Variants in BASP1 observed in about 807,000 individuals in gnomAD.
The protein encoded by BASP1 is brain abundant membrane attached signal protein 1.
BASP1 carries 1 observed loss-of-function variant against 2.2 expected under a neutral mutation model. That is an observed-to-expected ratio of 0.46 (90% confidence interval 0.16 to 2.17). The LOEUF (loss-of-function observed/expected upper bound fraction) is 2.17. Ranked by LOEUF, BASP1 falls within the 30% of genes most tolerant of loss-of-function variation. The pLI is 0.27. For synonymous variants in BASP1, 187 were observed against 154.2 expected, an observed-to-expected ratio of 1.21 and a Z score of -1.58; for missense variants, 352 against 327.2, an observed-to-expected ratio of 1.08 and a Z score of -0.58.
intron 1 of BASP1, among the ~76,000 whole-genome samples, chr5:17,219,244 G>C (rs1399567629): frequency 6.6e-6 from 1 of 152,084 alleles, no homozygotes; most frequent in Admixed American, 6.5e-5. Flanking sequence ...TGGAGGGCCC[G>C]GCAGCCCCAT....
At chr5:17,263,468 ATAAAAT>A (rs1221466536) in intron 1 of BASP1, among the ~76,000 whole-genome samples, 1 of 152,192 alleles carries the variant, frequency 6.6e-6, no homozygotes, top group Non-Finnish European at 1.5e-5. Context: ...ATGTGGTAAG[ATAAAAT>A]TAAGGTAATG....
rs1740634531 is a variant in BASP1 at position 17,275,708 on chromosome 5, T to C, written c.492T>C (p.Ser164=). The C allele has an allele frequency of 1.9e-6, 3 of 1,605,260 alleles. No homozygotes were observed. Among genetic ancestry groups the C allele is most frequent in the Non-Finnish European group, 2.6e-6 (3 of 1,176,372 alleles). Reference sequence around the variant, plus strand: ...CTCCTGCCGCCCAGGAGACCAAAAGTGACGGGGCCCCAGCTTCAGACTCAA... The same window carrying C: ...CTCCTGCCGCCCAGGAGACCAAAAGCGACGGGGCCCCAGCTTCAGACTCAA... ...PAAPAAQETK[S]DGAPASDSKP... The change falls in exon 2 of 2, where the codon AGT becomes AGC. Residue 164 remains serine (S), a synonymous_variant. Coordinates refer to ENST00000322611, the MANE Select transcript of BASP1 (RefSeq NM_006317.5). The surrounding 1 kb of genome is among the most constrained non-coding windows in gnomAD (Gnocchi z 5.3).
chr5:17,268,363 T>C (rs1042894812), intron 1 of BASP1, among the ~76,000 whole-genome samples: 2 of 152,232 alleles, frequency 1.3e-5, no homozygotes, highest in South Asian at 4.1e-4. Context: ...TGAATTTTAA[T>C]ACAGTAGGCT....
At chr5:17,240,982 C>A (rs948744812) in intron 1 of BASP1, among the ~76,000 whole-genome samples, 8 of 152,090 alleles carry the variant, frequency 5.3e-5, no homozygotes, top group African/African-American at 1.9e-4. Context: ...TTAATAGTTT[C>A]TTTTAATTAT....
At chr5:17,253,263 T>G (rs1169349601) in intron 1 of BASP1, among the ~76,000 whole-genome samples, 1 of 152,204 alleles carries the variant, frequency 6.6e-6, no homozygotes, top group Admixed American at 6.5e-5. Flanking sequence ...CAGGCTGGAG[T>G]GCAGTGGCGT....
intron 1 of BASP1, among the ~76,000 whole-genome samples, chr5:17,265,685 C>T (rs1446668691): frequency 6.6e-6 from 1 of 152,192 alleles, no homozygotes; most frequent in East Asian, 1.9e-4. Context: ...TATATCCAAA[C>T]AACCTGTTTA....
At chr5:17,262,752 A>G (rs1414446541) in intron 1 of BASP1, among the ~76,000 whole-genome samples, 1 of 151,788 alleles carries the variant, frequency 6.6e-6, no homozygotes, top group Non-Finnish European at 1.5e-5. Flanking sequence ...AATTGTCTTC[A>G]TATGTCTTCT....
chr5:17,232,181 A>AATACATT, intron 1 of BASP1, among the ~76,000 whole-genome samples: 1 of 152,212 alleles, frequency 6.6e-6, no homozygotes, highest in Non-Finnish European at 1.5e-5. Context: ...TATTTGAGGG[A>AATACATT]GACAAATAGT....
rs187374993 is a variant in BASP1, at chr5:17,235,368, C to T, written c.-10+17558C>T. On this transcript the variant is annotated intron_variant, in intron 1 of 1. Transcript: ENST00000322611. The stretch of plus-strand genomic sequence containing the variant: ...CTTCATCTCCCAGGTTCACGCCATT[C>T]TCCTGCCTCAGCCTCCCGAGTAGCT... 1.2e-4 allele frequency among the ~76,000 whole-genome samples: 18 copies of T among 151,686 alleles called. No individual in the cohort carries two copies. In the East Asian group the frequency reaches 3.1e-3, roughly 26 times the overall value.
At chr5:17,225,689 C>T (rs772472053) in intron 1 of BASP1, among the ~76,000 whole-genome samples, 3 of 152,162 alleles carry the variant, frequency 2.0e-5, no homozygotes, top group African/African-American at 4.8e-5. Context: ...TCCCACCCAC[C>T]CCTGAAATGC....
At chr5:17,234,376 G>A (rs377295704) in intron 1 of BASP1, among the ~76,000 whole-genome samples, 6 of 151,714 alleles carry the variant, frequency 4.0e-5, no homozygotes, top group Admixed American at 3.3e-4. Flanking sequence ...ATTTGAAGCC[G>A]TAAGTAAAAA....
chr5:17,242,297 C>G (rs776370586), intron 1 of BASP1, among the ~76,000 whole-genome samples: 1 of 151,878 alleles, frequency 6.6e-6, no homozygotes, highest in African/African-American at 2.4e-5. Flanking sequence ...TGAGAATGGT[C>G]CTGTGGTTTT....
Position 17,217,742 on chromosome 5 carries a change from C to G in BASP1, c.-78C>G, listed in dbSNP as rs1561161221. 6.5e-6 allele frequency: 1 copy of G among 153,254 alleles called. No individual in the cohort carries two copies. Among genetic ancestry groups the G allele is most frequent in the African/African-American group, 2.4e-5 (1 of 41,426 alleles). The allele number at this position is 153,254 out of a possible 1,614,324, so 9.5% of individuals were successfully genotyped here. ...CGCCAGCGGCCAGGCACCAGCCAGA[C>G]GACGCCAGCGACCCCGGCCTCTCGG... On this transcript the variant is annotated 5_prime_UTR_variant, in exon 1 of 2. Coordinates refer to ENST00000322611, the MANE Select transcript of BASP1 (RefSeq NM_006317.5).
At chr5:17,226,504 A>G (rs1349844452) in intron 1 of BASP1, among the ~76,000 whole-genome samples, 1 of 152,248 alleles carries the variant, frequency 6.6e-6, no homozygotes, top group African/African-American at 2.4e-5. Flanking sequence ...AAAGGGGGAA[A>G]ACAGTATCCA....
chr5:17,262,883 G>T (rs1418531554), intron 1 of BASP1, among the ~76,000 whole-genome samples: 1 of 148,018 alleles, frequency 6.8e-6, no homozygotes, highest in Non-Finnish European at 1.5e-5. Context: ...GTCTTGCTCT[G>T]GCGCCCAGGC....
At position 17,260,252 on chromosome 5, in the gene BASP1, A is replaced by C. The variant is rs1401382509; in HGVS notation, c.-9-14956A>C. Among the ~76,000 whole-genome samples the C allele has an allele frequency of 6.6e-6, 1 of 152,144 alleles. No individual in the cohort carries two copies. The highest frequency in any genetic ancestry group is 2.4e-5 in the African/African-American group (1 of 41,394). On this transcript the variant is annotated intron_variant, in intron 1 of 1. Coordinates refer to ENST00000322611, the MANE Select transcript of BASP1 (RefSeq NM_006317.5). The surrounding 1 kb of genome is among the most constrained non-coding windows in gnomAD (Gnocchi z 4.2). ...CAGGATGTATTAAAAAAGAAGAAAA[A>C]ACCTTCTGCATTAGTGTCTATACAG...
At chr5:17,266,839 A>AAAAAC (rs397724400) in intron 1 of BASP1, among the ~76,000 whole-genome samples, 1 of 150,698 alleles carries the variant, frequency 6.6e-6, no homozygotes, top group Admixed American at 6.6e-5. Flanking sequence ...AAAAAAAAAA[A>AAAAAC]TCTGACCTGG....
intron 1 of BASP1, among the ~76,000 whole-genome samples, chr5:17,250,669 A>G (rs2126507208): frequency 6.6e-6 from 1 of 152,186 alleles, no homozygotes; most frequent in South Asian, 2.1e-4. Context: ...CAGTGGCCCG[A>G]TCTCGGCTCA....
chr5:17,273,051 C>A (rs1293400020), intron 1 of BASP1, among the ~76,000 whole-genome samples: 1 of 152,088 alleles, frequency 6.6e-6, no homozygotes, highest in Non-Finnish European at 1.5e-5. Context: ...GAGAGAAGAT[C>A]CTAAAGGCAG....
Sources: gnomAD v4.1 joint callset for allele counts (sites outside exome capture counted in the v4.1 genomes callset) on GRCh38, gnomAD v4.1.1 for gene constraint, Gnocchi (gnomAD v3.1) non-coding constraint, MANE v1.5 for transcripts, NCBI Gene and HGNC (gene_info 2026-07-23, HGNC 2026-07-21) for gene names.